The following AGBL4 variants were observed in gnomAD, a reference collection of about 807,000 sequenced individuals.
The protein encoded by AGBL4 is AGBL carboxypeptidase 4, also known as cytosolic carboxypeptidase 6.
A neutral mutation model predicts 66.4 loss-of-function variants in AGBL4; 58 were observed. That is an observed-to-expected ratio of 0.87 (90% CI 0.71 to 1.09). The LOEUF (loss-of-function observed/expected upper bound fraction) is 1.09. Ranked by LOEUF, AGBL4 falls within the 50% of genes least tolerant of loss-of-function variation. AGBL4 has a pLI of 0.00. For missense variants in AGBL4, 579 were observed against 631.0 expected (o/e 0.92, Z 0.88); for synonymous variants, 234 against 222.9 (o/e 1.05, Z -0.44).
chr1:49,894,102 G>A (rs1430468655), intron 1 of AGBL4, among the ~76,000 whole-genome samples: 3 of 152,126 alleles, frequency 2.0e-5, no homozygotes, highest in African/African-American at 7.2e-5. Context: ...AGAATTGTCT[G>A]AATCTTATTG....
chr1:49,356,691 G>A (rs1644026607), intron 3 of AGBL4, among the ~76,000 whole-genome samples: 1 of 152,162 alleles, frequency 6.6e-6, no homozygotes, highest in South Asian at 2.1e-4. Flanking sequence ...CCCACTATTA[G>A]TATTTCATTC....
chr1:49,150,834 AGTTT>A (rs1193493261), intron 4 of AGBL4, among the ~76,000 whole-genome samples: 2 of 151,960 alleles, frequency 1.3e-5, no homozygotes, highest in Non-Finnish European at 1.5e-5. Context: ...TGTAACTGAA[AGTTT>A]GTTTGCCTCT....
chr1:48,750,671 T>C lies in AGBL4; in HGVS notation c.635-87430A>G, dbSNP rs550255986. ...TCGGAACAGAGGAAGGATCCAATAA[T>C]GTTCCCTGCACAAAAACATTTCCCT... On this transcript the variant is annotated intron_variant, in intron 6 of 13. Transcript: ENST00000371839. Among the ~76,000 whole-genome samples, 64 of 152,322 alleles carry C rather than the reference T, an allele frequency of 4.2e-4. No homozygotes were observed. The South Asian group carries it at 7.5e-3, about 18-fold the overall frequency.
At chr1:49,214,184 T>A (rs763260317) in intron 4 of AGBL4, among the ~76,000 whole-genome samples, 40 of 152,202 alleles carry the variant, frequency 2.6e-4, no homozygotes, top group Middle Eastern at 3.4e-3. Context: ...AGGTAGGGCT[T>A]ATAATTTATT....
intron 3 of AGBL4, among the ~76,000 whole-genome samples, chr1:49,600,026 C>G (rs1224430351): frequency 6.6e-6 from 1 of 152,152 alleles, no homozygotes; most frequent in African/African-American, 2.4e-5. Context: ...TGTTTTACTT[C>G]CAATTATGTG....
chr1:49,703,496 AT>A lies in AGBL4; in HGVS notation c.158-6060del, dbSNP rs1272208258. ...TTATTTCAGTAGATGCTGAAAAAACATTTGACAAATTCCACACGCATTCATG... is the reference window on the plus strand; with the variant it reads ...TTATTTCAGTAGATGCTGAAAAAACATTGACAAATTCCACACGCATTCATG... On this transcript the variant is annotated intron_variant, in intron 2 of 13. Coordinates refer to ENST00000371839, the MANE Select transcript of AGBL4 (RefSeq NM_032785.4). Among the ~76,000 whole-genome samples the A allele has an allele frequency of 2.0e-5, 3 of 151,782 alleles. No individual in the cohort carries two copies. In the East Asian group the frequency reaches 5.8e-4, roughly 29 times the overall value.
chr1:48,602,054 A>G (rs1235424803), intron 9 of AGBL4, among the ~76,000 whole-genome samples: 1 of 152,154 alleles, frequency 6.6e-6, no homozygotes, highest in African/African-American at 2.4e-5. Flanking sequence ...AAGGCTGATA[A>G]AACTAGGGCA....
At chr1:48,816,609 T>C (rs557295980) in intron 6 of AGBL4, among the ~76,000 whole-genome samples, 35 of 152,176 alleles carry the variant, frequency 2.3e-4, no homozygotes, top group Non-Finnish European at 3.8e-4. Flanking sequence ...CAACTCTCAT[T>C]TCCCTCAAGG....
intron 1 of AGBL4, among the ~76,000 whole-genome samples, chr1:49,897,955 A>T (rs906501079): frequency 6.6e-6 from 1 of 152,084 alleles, no homozygotes; most frequent in Non-Finnish European, 1.5e-5. Context: ...CATGTACAAA[A>T]ATCAAATCAA....
At chr1:49,274,429 T>A (rs1644124764) in intron 3 of AGBL4, among the ~76,000 whole-genome samples, 1 of 152,182 alleles carries the variant, frequency 6.6e-6, no homozygotes, top group Admixed American at 6.5e-5. Context: ...TAAAATTGTA[T>A]GAGATTACTA....
chr1:49,382,863 A>C (rs2148577971), intron 3 of AGBL4, among the ~76,000 whole-genome samples: 1 of 152,310 alleles, frequency 6.6e-6, no homozygotes, highest in South Asian at 2.1e-4. Context: ...TTGTGAGTGC[A>C]GCATGGTGTT....
At position 49,735,295 on chromosome 1, in the gene AGBL4, G is replaced by GT. The variant is rs1491212644; in HGVS notation, c.158-37859_158-37858insA. On this transcript the variant is annotated intron_variant, in intron 2 of 13. Transcript: ENST00000371839. ...TTAAAACAAAGAGGTAGAGGTGTGT[G>GT]GGTGTGTGTGTGTGTGTGTGTGTGT... is the stretch of plus-strand genomic sequence containing the variant. 6.4e-3 allele frequency among the ~76,000 whole-genome samples: 626 copies of GT among 97,610 alleles called. 6 individuals carry two copies. The highest frequency in any genetic ancestry group is 0.042 in the African/African-American group (574 of 13,534). 64.0% of individuals were successfully genotyped at this position (97,610 alleles called of 152,430 possible).
chr1:49,345,712 A>G (rs1218425752), intron 3 of AGBL4, among the ~76,000 whole-genome samples: 1 of 152,200 alleles, frequency 6.6e-6, no homozygotes, highest in Non-Finnish European at 1.5e-5. Flanking sequence ...GTATACTCCT[A>G]TAAACAAAAT....
At chr1:49,371,182 T>A (rs1175413461) in intron 3 of AGBL4, among the ~76,000 whole-genome samples, 2 of 152,068 alleles carry the variant, frequency 1.3e-5, no homozygotes, top group Non-Finnish European at 2.9e-5. Flanking sequence ...CAATTCTATA[T>A]AATGAATCTC....
At chr1:48,907,926 T>C (rs971925545) in intron 5 of AGBL4, among the ~76,000 whole-genome samples, 1 of 152,088 alleles carries the variant, frequency 6.6e-6, no homozygotes, top group African/African-American at 2.4e-5. Flanking sequence ...AAAGAGAGAA[T>C]TATTTGAGCA....
chr1:49,713,866 G>A (rs949019489), intron 2 of AGBL4, among the ~76,000 whole-genome samples: 2 of 151,844 alleles, frequency 1.3e-5, no homozygotes, highest in African/African-American at 4.8e-5. Context: ...CTGAGTTCAA[G>A]GGATCTCCTA....
intron 1 of AGBL4, among the ~76,000 whole-genome samples, chr1:49,993,458 C>T (rs906866384): frequency 1.3e-5 from 2 of 152,170 alleles, no homozygotes; most frequent in African/African-American, 4.8e-5. Flanking sequence ...TACCTATTCT[C>T]CTGAAAACTA....
chr1:48,657,969 T>C (rs1320718981), intron 7 of AGBL4, among the ~76,000 whole-genome samples: 1 of 152,342 alleles, frequency 6.6e-6, no homozygotes. Flanking sequence ...TTTGCCACTA[T>C]ATTTTTAGTG....
At chr1:49,160,756 G>T (rs908332895) in intron 4 of AGBL4, among the ~76,000 whole-genome samples, 3 of 152,154 alleles carry the variant, frequency 2.0e-5, no homozygotes, top group Non-Finnish European at 2.9e-5. Flanking sequence ...GCCCAGAGAG[G>T]AGGAATCCAG....
Sources: gnomAD v4.1 joint callset for allele counts (sites outside exome capture counted in the v4.1 genomes callset) on GRCh38, gnomAD v4.1.1 for gene constraint, MANE v1.5 for transcripts, NCBI Gene and HGNC (gene_info 2026-07-23, HGNC 2026-07-21) for gene names.